CCBE1: variants seen among roughly 807,000 people sequenced by gnomAD.
The protein encoded by CCBE1 is collagen and calcium-binding EGF domain-containing protein 1.
Under a neutral mutation model 50.0 loss-of-function variants are expected in CCBE1, and 37 were observed. That is an observed-to-expected ratio of 0.74 (90% confidence interval 0.57 to 0.97). The LOEUF (loss-of-function observed/expected upper bound fraction) is 0.97. Among genes scored for constraint, CCBE1 ranks in the 50% least tolerant of loss-of-function variants. The pLI, the probability that CCBE1 is intolerant of heterozygous loss-of-function variation, is 0.00. For synonymous variants in CCBE1, 234 were observed against 203.7 expected (o/e 1.15, Z -1.27); for missense variants, 538 against 523.8 (o/e 1.03, Z -0.26).
At chr18:59,478,886 A>G (rs1912436873) in intron 3 of CCBE1, among the ~76,000 whole-genome samples, 1 of 152,204 alleles carries the variant, frequency 6.6e-6, no homozygotes, top group Non-Finnish European at 1.5e-5. Flanking sequence ...TTCAGCAGAG[A>G]GAAATTCAGC....
chr18:59,654,351 C>G (rs2054160318), intron 2 of CCBE1, among the ~76,000 whole-genome samples: 1 of 152,218 alleles, frequency 6.6e-6, no homozygotes, highest in Non-Finnish European at 1.5e-5. Flanking sequence ...GGAAAAACAG[C>G]CCAGAGAATC....
chr18:59,514,083 C>G (rs538363027), intron 2 of CCBE1, among the ~76,000 whole-genome samples: 1 of 152,184 alleles, frequency 6.6e-6, no homozygotes, highest in South Asian at 2.1e-4. Context: ...ATACACCACA[C>G]CATATGCCTA....
chr18:59,559,171 T>A (rs1599012629), intron 2 of CCBE1, among the ~76,000 whole-genome samples: 1 of 151,860 alleles, frequency 6.6e-6, no homozygotes, highest in African/African-American at 2.4e-5. Flanking sequence ...GTAGATGGGG[T>A]CTCCTGCAAG....
chr18:59,665,078 A>T (rs928691400), intron 2 of CCBE1, among the ~76,000 whole-genome samples: 4 of 152,136 alleles, frequency 2.6e-5, no homozygotes, highest in Non-Finnish European at 5.9e-5. Flanking sequence ...GCATGGGAAT[A>T]ATCAGATACA....
chr18:59,442,461 C>T (rs1910477802), intron 7 of CCBE1, among the ~76,000 whole-genome samples: 1 of 152,198 alleles, frequency 6.6e-6, no homozygotes, highest in Admixed American at 6.5e-5. Context: ...GGTGCGGTGG[C>T]TCATGCCTGT....
At chr18:59,598,082 T>C (rs1433906517) in intron 2 of CCBE1, among the ~76,000 whole-genome samples, 1 of 151,824 alleles carries the variant, frequency 6.6e-6, no homozygotes, top group East Asian at 1.9e-4. Flanking sequence ...GTTGAGGTGC[T>C]TAACCAGTAT....
intron 3 of CCBE1, 104 bp downstream of exon 3, chr18:59,480,082 A>C: frequency 1.2e-6 from 1 of 819,784 alleles, no homozygotes; most frequent in South Asian, 1.6e-5. Flanking sequence ...TACACAGATA[A>C]TCAGACACAG....
At chr18:59,565,990 G>A (rs117704885) in intron 2 of CCBE1, among the ~76,000 whole-genome samples, 1 of 152,272 alleles carries the variant, frequency 6.6e-6, no homozygotes, top group Non-Finnish European at 1.5e-5. Context: ...TGACCTTGGA[G>A]ACCCAAAAGG....
intron 5 of CCBE1, among the ~76,000 whole-genome samples, chr18:59,458,740 G>A (rs1032851834): frequency 6.6e-6 from 1 of 152,204 alleles, no homozygotes; most frequent in African/African-American, 2.4e-5. Flanking sequence ...GAGAACACCT[G>A]AGAGCTATCT....
intron 2 of CCBE1, among the ~76,000 whole-genome samples, chr18:59,483,249 A>G (rs945315825): frequency 6.6e-6 from 1 of 151,226 alleles, no homozygotes; most frequent in Non-Finnish European, 1.5e-5. Flanking sequence ...GATGAAAAAA[A>G]TTATTTAAGA....
chr18:59,637,468 C>A (rs1218296106), intron 2 of CCBE1, among the ~76,000 whole-genome samples: 1 of 152,090 alleles, frequency 6.6e-6, no homozygotes, highest in East Asian at 1.9e-4. Flanking sequence ...CACCCTCACC[C>A]ATCCACCCCA....
intron 2 of CCBE1, among the ~76,000 whole-genome samples, chr18:59,633,625 A>G (rs1027022728): frequency 6.6e-6 from 1 of 152,224 alleles, no homozygotes; most frequent in Non-Finnish European, 1.5e-5. Flanking sequence ...GTGACCCTAG[A>G]GGCAAAACAT....
intron 2 of CCBE1, among the ~76,000 whole-genome samples, chr18:59,620,153 G>C (rs1052464034): frequency 1.3e-5 from 2 of 152,194 alleles, no homozygotes; most frequent in South Asian, 4.1e-4. Context: ...CCCCACGTGA[G>C]AGCCTTGACT....
At chr18:59,645,016 G>A (rs987420859) in intron 2 of CCBE1, among the ~76,000 whole-genome samples, 11 of 152,320 alleles carry the variant, frequency 7.2e-5, no homozygotes, top group Middle Eastern at 6.8e-3. Flanking sequence ...AGCACTTTGG[G>A]AGGCCGAGGT....
chr18:59,480,949 C>T (rs1244929678), intron 2 of CCBE1, among the ~76,000 whole-genome samples: 2 of 152,156 alleles, frequency 1.3e-5, no homozygotes, highest in Admixed American at 1.3e-4. Context: ...CAGCCAGATG[C>T]AGGCTCTCCA....
At chr18:59,609,348 T>A (rs1489373657) in intron 2 of CCBE1, among the ~76,000 whole-genome samples, 1 of 152,248 alleles carries the variant, frequency 6.6e-6, no homozygotes, top group Non-Finnish European at 1.5e-5. Flanking sequence ...CTTGCATATA[T>A]CACAGATGTG....
At chr18:59,448,405 C>T (rs1009440661) in intron 6 of CCBE1, among the ~76,000 whole-genome samples, 1 of 152,082 alleles carries the variant, frequency 6.6e-6, no homozygotes, top group Non-Finnish European at 1.5e-5. Context: ...TTATTTCATA[C>T]TCTCAATTTT....
chr18:59,522,414 A>G (rs971270713), intron 2 of CCBE1, among the ~76,000 whole-genome samples: 1 of 152,264 alleles, frequency 6.6e-6, no homozygotes, highest in African/African-American at 2.4e-5. Context: ...TACTTCTAAC[A>G]TTAAACATTG....
At chr18:59,676,198 G>A (rs1390404881) in intron 2 of CCBE1, among the ~76,000 whole-genome samples, 2 of 152,192 alleles carry the variant, frequency 1.3e-5, no homozygotes, top group Non-Finnish European at 2.9e-5. Flanking sequence ...TCTTCATCAC[G>A]TTATATACTG....
Sources: gnomAD v4.1 joint callset for allele counts (sites outside exome capture counted in the v4.1 genomes callset) on GRCh38, gnomAD v4.1.1 for gene constraint, MANE v1.5 for transcripts, NCBI Gene and HGNC (gene_info 2026-07-23, HGNC 2026-07-21) for gene names.